The following KREMEN1 variants were observed in gnomAD, a reference collection of about 807,000 sequenced individuals.
KREMEN1 encodes the protein kringle containing transmembrane protein 1.
KREMEN1 carries 30 observed loss-of-function variants against 46.5 expected under a neutral mutation model. The ratio of observed to expected loss-of-function variants is 0.65; its 90% confidence interval spans 0.48 to 0.88. KREMEN1 has a LOEUF of 0.88. Among genes scored for constraint, KREMEN1 ranks in the 40% least tolerant of loss-of-function variants. The pLI is 0.00. For synonymous variants in KREMEN1, 214 were observed against 230.6 expected, an observed-to-expected ratio of 0.93 and a Z score of 0.65; for missense variants, 533 against 596.9, an observed-to-expected ratio of 0.89 and a Z score of 1.11.
intron 3 of KREMEN1, among the ~76,000 whole-genome samples, chr22:29,116,104 ACTT>A (rs1441924111): frequency 1.3e-5 from 2 of 152,286 alleles, no homozygotes; most frequent in African/African-American, 4.8e-5. Flanking sequence ...AGTCACGCTC[ACTT>A]CTTGTAGTTC....
chr22:29,144,195 C>T lies in KREMEN1; in HGVS notation c.*2083C>T. 1 of 985,644 alleles carries T rather than the reference C, an allele frequency of 1.0e-6. No homozygotes were observed. Among genetic ancestry groups the T allele is most frequent in the Non-Finnish European group, 1.2e-6 (1 of 830,074 alleles). 61.1% of individuals were successfully genotyped at this position (985,644 alleles called of 1,614,324 possible). A position where few individuals can be genotyped will look rare whatever the true frequency, so the allele number is the denominator to read the frequency against. On this transcript the variant is annotated 3_prime_UTR_variant, in exon 9 of 9. Coordinates refer to ENST00000400335, the MANE Select transcript of KREMEN1 (RefSeq NM_001039570.3). ...TTTGCAGCACTTTGCCTACCTCCCC[C>T]AAGCCCTGAGCCACTGCCTGCTGGG... is the stretch of plus-strand genomic sequence containing the variant.
chr22:29,076,547 G>C (rs377434059), intron 1 of KREMEN1, among the ~76,000 whole-genome samples: 25 of 152,146 alleles, frequency 1.6e-4, no homozygotes, highest in African/African-American at 5.8e-4. Flanking sequence ...TTAGTCCCTA[G>C]ACAAACCATT....
chr22:29,123,160 A>C, intron 4 of KREMEN1, among the ~76,000 whole-genome samples: 1 of 151,982 alleles, frequency 6.6e-6, no homozygotes, highest in East Asian at 1.9e-4. Flanking sequence ...TTCTCACATG[A>C]GGCACCAAAA....
At chr22:29,163,020 A>G (rs2039024308) in intron 9 of KREMEN1, among the ~76,000 whole-genome samples, 1 of 152,106 alleles carries the variant, frequency 6.6e-6, no homozygotes, top group South Asian at 2.1e-4. Context: ...GGGTACTGAT[A>G]TGGTTTGGCT....
intron 1 of KREMEN1, among the ~76,000 whole-genome samples, chr22:29,089,960 A>G (rs1430582541): frequency 2.0e-5 from 3 of 152,034 alleles, no homozygotes; most frequent in Admixed American, 2.0e-4. Flanking sequence ...TCACCATTCC[A>G]TCGTACTCCC....
At chr22:29,131,768 GTATA>G (rs750323146) in intron 5 of KREMEN1, among the ~76,000 whole-genome samples, 3 of 123,734 alleles carry the variant, frequency 2.4e-5, no homozygotes, top group African/African-American at 1.2e-4. Context: ...ATATATATAT[GTATA>G]TATATATATA....
chr22:29,119,535 G>C (rs1403660375), intron 3 of KREMEN1, among the ~76,000 whole-genome samples: 2 of 152,172 alleles, frequency 1.3e-5, no homozygotes, highest in Non-Finnish European at 2.9e-5. Context: ...AGCCTACCAA[G>C]AGTTGCCTCA....
chr22:29,080,593 A>G (rs1022048063), intron 1 of KREMEN1, among the ~76,000 whole-genome samples: 2 of 152,132 alleles, frequency 1.3e-5, no homozygotes, highest in African/African-American at 4.8e-5. Flanking sequence ...AGGGGCTTGG[A>G]GGGGGCCAGG....
chr22:29,115,198 T>C (rs2038218732), intron 3 of KREMEN1, among the ~76,000 whole-genome samples: 1 of 152,132 alleles, frequency 6.6e-6, no homozygotes, highest in African/African-American at 2.4e-5. Flanking sequence ...AAACCAAACA[T>C]TGTATGTTCT....
chr22:29,102,961 G>A (rs994164809), intron 3 of KREMEN1, among the ~76,000 whole-genome samples: 6 of 152,114 alleles, frequency 3.9e-5, no homozygotes, highest in African/African-American at 4.8e-5. Context: ...CCATCAAGCC[G>A]GACCTCAGAC....
chr22:29,155,110 AT>A (rs132288), intron 9 of KREMEN1, among the ~76,000 whole-genome samples: 126,734 of 149,718 alleles, frequency 0.85, 53,867 homozygotes, highest in Non-Finnish European at 0.9. Context: ...CATAAGTGTA[AT>A]TTTTTTTTTT....
chr22:29,157,778 T>C (rs574074540), intron 9 of KREMEN1, among the ~76,000 whole-genome samples: 13 of 152,176 alleles, frequency 8.5e-5, no homozygotes, highest in Non-Finnish European at 1.9e-4. Context: ...CCTGAGCCCT[T>C]GGGCTGGGAG....
intron 6 of KREMEN1, among the ~76,000 whole-genome samples, chr22:29,138,421 G>A (rs1011507204): frequency 2.6e-5 from 4 of 152,270 alleles, no homozygotes; most frequent in African/African-American, 9.6e-5. Context: ...ATTCTGTGAA[G>A]TTGACAGGTT....
At chr22:29,126,029 A>G (rs2038436256) in intron 5 of KREMEN1, among the ~76,000 whole-genome samples, 1 of 151,862 alleles carries the variant, frequency 6.6e-6, no homozygotes, top group Non-Finnish European at 1.5e-5. Context: ...CCTCATCATA[A>G]TCCACCAGCA....
chr22:29,139,076 A>G (rs1308420110), intron 7 of KREMEN1, among the ~76,000 whole-genome samples: 1 of 152,180 alleles, frequency 6.6e-6, no homozygotes, highest in Non-Finnish European at 1.5e-5. Context: ...ATCTTTCTAG[A>G]GCCCCACATG....
In KREMEN1 at chr22:29,146,221, C is replaced by G. The variant is rs960699547; in HGVS notation, c.*4109C>G. ...TGTTTCCTCTGGTGTCTTTGTTTAC[C>G]TTCCTCACTGTTCTACCTCCTGGCC... On this transcript the variant is annotated 3_prime_UTR_variant, in exon 9 of 9. Coordinates refer to ENST00000400335, the MANE Select transcript of KREMEN1 (RefSeq NM_001039570.3). 2.0e-6 allele frequency: 2 copies of G among 985,806 alleles called. No homozygotes were observed. The highest frequency in any genetic ancestry group is 3.5e-5 in the African/African-American group (2 of 57,198). The allele number at this position is 985,806 out of a possible 1,614,324, so 61.1% of individuals were successfully genotyped here. A position where few individuals can be genotyped will look rare whatever the true frequency, so the allele number is the denominator to read the frequency against.
At position 29,084,271 on chromosome 22, in the gene KREMEN1, C is replaced by T. The variant is rs539604400; in HGVS notation, c.98-9987C>T. Among the ~76,000 whole-genome samples, 13 of 152,180 alleles carry T rather than the reference C, an allele frequency of 8.5e-5. No homozygotes were observed. The South Asian group carries it at 2.1e-3, about 24-fold the overall frequency. On this transcript the variant is annotated intron_variant, in intron 1 of 8. Transcript: ENST00000400335. ...CATCCTGTTTTATCAGCGAAATCTT[C>T]GTGACCTGTGTCTTGTGCTGGCCTC... is the stretch of plus-strand genomic sequence containing the variant.
chr22:29,132,321 T>C lies in KREMEN1; in HGVS notation c.632-5021T>C, dbSNP rs115482037. 9.0e-3 allele frequency among the ~76,000 whole-genome samples: 1,369 copies of C among 152,340 alleles called. 14 individuals are homozygous for C. Among genetic ancestry groups the C allele is most frequent in the African/African-American group, 0.031 (1,306 of 41,570 alleles). The stretch of plus-strand genomic sequence containing the variant: ...AACATTGGTCTGTCTATGATAAAGC[T>C]GTTGTAAACATCCAAGTACAGGTGC... On this transcript the variant is annotated intron_variant, in intron 5 of 8. Transcript: ENST00000400335.
At chr22:29,113,337 G>T (rs140478350) in intron 3 of KREMEN1, among the ~76,000 whole-genome samples, 14 of 152,358 alleles carry the variant, frequency 9.2e-5, no homozygotes, top group African/African-American at 3.4e-4. Flanking sequence ...ATGCTATACA[G>T]ATGTAAGAGA....
Sources: allele counts gnomAD v4.1 joint callset (sites outside exome capture counted in the v4.1 genomes callset), GRCh38; gene constraint gnomAD v4.1.1; transcripts MANE v1.5; gene names NCBI Gene and HGNC (gene_info 2026-07-23, HGNC 2026-07-21).